SLIT3: variants seen among roughly 807,000 people sequenced by gnomAD.
The protein encoded by SLIT3 is slit guidance ligand 3.
A neutral mutation model predicts 184.0 loss-of-function variants in SLIT3; 68 were observed. The ratio of observed to expected loss-of-function variants is 0.37; its 90% confidence interval spans 0.30 to 0.45. SLIT3 has a LOEUF of 0.45. SLIT3 is among the 20% of genes least tolerant of loss of function. The pLI, the probability that SLIT3 is intolerant of heterozygous loss-of-function variation, is 1.00. For missense variants in SLIT3, 1,707 were observed against 2,026.0 expected (o/e 0.84, Z 3.02); for synonymous variants, 831 against 828.6 (o/e 1.00, Z -0.05).
At chr5:169,117,867 G>C (rs17555633) in intron 4 of SLIT3, among the ~76,000 whole-genome samples, 7 of 152,010 alleles carry the variant, frequency 4.6e-5, no homozygotes, top group African/African-American at 7.2e-5. Flanking sequence ...GGCCCTTTAC[G>C]TGACACCCAA....
chr5:169,222,715 T>C (rs999623964), intron 3 of SLIT3, among the ~76,000 whole-genome samples: 3 of 152,204 alleles, frequency 2.0e-5, no homozygotes, highest in African/African-American at 7.2e-5. Flanking sequence ...TTGCAAAACA[T>C]AATGCAGAAT....
chr5:168,726,898 C>T (rs924520959), intron 20 of SLIT3, among the ~76,000 whole-genome samples: 1 of 151,892 alleles, frequency 6.6e-6, no homozygotes, highest in African/African-American at 2.4e-5. Flanking sequence ...GTAATCCCAG[C>T]TACTCAGGCG....
chr5:169,080,228 A>C, intron 4 of SLIT3, among the ~76,000 whole-genome samples: 1 of 152,188 alleles, frequency 6.6e-6, no homozygotes, highest in African/African-American at 2.4e-5. Flanking sequence ...GTCAGGGCCC[A>C]AAGTCAGGGC....
chr5:169,212,412 G>A (rs1012411205), intron 3 of SLIT3, among the ~76,000 whole-genome samples: 2 of 152,034 alleles, frequency 1.3e-5, no homozygotes, highest in Non-Finnish European at 2.9e-5. Flanking sequence ...CTGCATAAAT[G>A]TCTTCTTTTG....
intron 6 of SLIT3, among the ~76,000 whole-genome samples, chr5:168,843,854 T>A (rs1758352947): frequency 6.6e-6 from 1 of 152,198 alleles, no homozygotes; most frequent in Admixed American, 6.5e-5. Context: ...AGTTAGGTTT[T>A]CTTAGTTAGA....
chr5:169,050,218 G>A lies in SLIT3; in HGVS notation c.413+143261C>T, dbSNP rs116634826. ...ACTGCCCAAACCTAATTAAAGCAGA[G>A]TCACTCGACAGTTAGGAATGCAGCA... On this transcript the variant is annotated intron_variant, in intron 4 of 35. Transcript: ENST00000519560. Among the ~76,000 whole-genome samples the A allele has an allele frequency of 6.4e-3, 978 of 152,286 alleles. 11 individuals carry two copies. Among genetic ancestry groups the A allele is most frequent in the African/African-American group, 0.022 (925 of 41,556 alleles).
At chr5:169,235,801 G>A (rs1303615971) in intron 3 of SLIT3, among the ~76,000 whole-genome samples, 4 of 152,178 alleles carry the variant, frequency 2.6e-5, no homozygotes, top group Admixed American at 2.6e-4. Context: ...GATGGGTTTC[G>A]GGGAGGAAGA....
At chr5:169,062,084 T>C (rs557016101) in intron 4 of SLIT3, among the ~76,000 whole-genome samples, 53 of 152,112 alleles carry the variant, frequency 3.5e-4, no homozygotes, top group African/African-American at 1.3e-3. Flanking sequence ...CTCGGGAGGC[T>C]GAGACAGGAG....
chr5:169,098,893 A>G (rs1185216858), intron 4 of SLIT3, among the ~76,000 whole-genome samples: 2 of 152,132 alleles, frequency 1.3e-5, no homozygotes, highest in African/African-American at 4.8e-5. Flanking sequence ...GCACAGCCAC[A>G]TTCCAGCGGG....
chr5:169,006,600 C>A (rs1280317443), intron 4 of SLIT3, among the ~76,000 whole-genome samples: 1 of 149,808 alleles, frequency 6.7e-6, no homozygotes, highest in Non-Finnish European at 1.5e-5. Flanking sequence ...CTCTCTCTCT[C>A]TCTCTCACAC....
chr5:168,764,562 G>A (rs1427002553), intron 14 of SLIT3, among the ~76,000 whole-genome samples: 4 of 152,170 alleles, frequency 2.6e-5, no homozygotes, highest in Non-Finnish European at 4.4e-5. Flanking sequence ...GGTGAAGGAC[G>A]CAGATCTCTC....
At chr5:169,080,714 CCTGA>C (rs1440699828) in intron 4 of SLIT3, among the ~76,000 whole-genome samples, 3 of 152,154 alleles carry the variant, frequency 2.0e-5, no homozygotes, top group African/African-American at 7.2e-5. Context: ...CCGGGGCTGA[CCTGA>C]CTGACTGTTT....
At chr5:168,942,369 AT>A (rs1762358749) in intron 4 of SLIT3, among the ~76,000 whole-genome samples, 1 of 152,208 alleles carries the variant, frequency 6.6e-6, no homozygotes, top group African/African-American at 2.4e-5. Context: ...TAAAAAAGCC[AT>A]TTTGAATTAG....
In SLIT3 at chr5:168,712,243, A is replaced by G. The variant is rs369301985; in HGVS notation, c.2555+40T>C. The G allele has an allele frequency of 9.0e-6, 14 of 1,560,670 alleles. No individual in the cohort carries two copies. In the African/African-American group the frequency reaches 1.4e-4, roughly 15 times the overall value. ...TTGTCGCTGACACTTTCATGCTTTCATGTTTTGAATGTTCATTGGGGAGAA... is the reference window on the plus strand; with the variant it reads ...TTGTCGCTGACACTTTCATGCTTTCGTGTTTTGAATGTTCATTGGGGAGAA... On this transcript the variant is annotated intron_variant, in intron 24 of 35. Transcript: ENST00000519560.
intron 4 of SLIT3, among the ~76,000 whole-genome samples, chr5:169,079,685 A>G (rs1396507163): frequency 2.4e-5 from 1 of 41,808 alleles, no homozygotes; most frequent in African/African-American, 1.0e-4. Context: ...AGGAGGAGGG[A>G]AGAGGAGGAG....
At chr5:169,255,343 C>T (rs576962158) in intron 1 of SLIT3, among the ~76,000 whole-genome samples, 1 of 152,264 alleles carries the variant, frequency 6.6e-6, no homozygotes, top group African/African-American at 2.4e-5. Context: ...TGTGTTACTG[C>T]CCTTGAAGAC....
At chr5:169,276,029 G>A (rs1351573444) in intron 1 of SLIT3, among the ~76,000 whole-genome samples, 1 of 152,122 alleles carries the variant, frequency 6.6e-6, no homozygotes, top group African/African-American at 2.4e-5. Context: ...GGGTAGGATG[G>A]GTCGGGGGAG....
rs1235116559 is a variant in SLIT3, at chr5:168,686,962, G to C, written c.3314+17C>G. The C allele has an allele frequency of 1.2e-6, 2 of 1,609,724 alleles. No individual in the cohort carries two copies. The highest frequency in any genetic ancestry group is 2.2e-5 in the East Asian group (1 of 44,742). ...TGGCCCAGGCTGTCTCCTTCCTGAG[G>C]TGCCCTCCTGCCTTACCTGAAGCCC... On this transcript the variant is annotated intron_variant, in intron 30 of 35. Transcript: ENST00000519560.
intron 1 of SLIT3, among the ~76,000 whole-genome samples, chr5:169,264,657 A>G (rs1441388099): frequency 6.6e-6 from 1 of 152,132 alleles, no homozygotes; most frequent in African/African-American, 2.4e-5. Flanking sequence ...TCACCTTCCT[A>G]CCAGGTCAAG....
Sources: gnomAD v4.1 joint callset for allele counts (sites outside exome capture counted in the v4.1 genomes callset) on GRCh38, gnomAD v4.1.1 for gene constraint, MANE v1.5 for transcripts, NCBI Gene and HGNC (gene_info 2026-07-23, HGNC 2026-07-21) for gene names.